NCAM2: variants seen among roughly 807,000 people sequenced by gnomAD.
NCAM2 encodes neural cell adhesion molecule 2.
Under a neutral mutation model 98.1 loss-of-function variants are expected in NCAM2, and 30 were observed. The observed-to-expected ratio is 0.31, with a 90% CI of 0.23 to 0.41. The LOEUF is 0.41. Among genes scored for constraint, NCAM2 ranks in the 10% least tolerant of loss-of-function variants. The pLI, the probability that NCAM2 is intolerant of heterozygous loss-of-function variation, is 1.00. For synonymous variants in NCAM2, 368 were observed against 342.4 expected, an observed-to-expected ratio of 1.07 and a Z score of -0.83; for missense variants, 867 against 1,005.8, an observed-to-expected ratio of 0.86 and a Z score of 1.87.
At chr21:21,480,718 G>C (rs987147622) in intron 15 of NCAM2, among the ~76,000 whole-genome samples, 3 of 152,188 alleles carry the variant, frequency 2.0e-5, no homozygotes, top group Non-Finnish European at 4.4e-5. Context: ...TTTCTCTTAT[G>C]GGTAAGAGCA....
intron 1 of NCAM2, among the ~76,000 whole-genome samples, chr21:21,243,743 C>T (rs1470124037): frequency 6.6e-6 from 1 of 152,126 alleles, no homozygotes; most frequent in African/African-American, 2.4e-5. Flanking sequence ...CATATTGCAT[C>T]CACTAGAACA....
chr21:21,402,725 T>G (rs556207008), intron 9 of NCAM2, among the ~76,000 whole-genome samples: 1 of 152,240 alleles, frequency 6.6e-6, no homozygotes, highest in Non-Finnish European at 1.5e-5. Flanking sequence ...TCACCCCTAG[T>G]GGCCCAGCTG....
At chr21:21,140,363 A>T (rs1310954576) in intron 1 of NCAM2, among the ~76,000 whole-genome samples, 3 of 152,318 alleles carry the variant, frequency 2.0e-5, no homozygotes, top group Middle Eastern at 3.4e-3. Context: ...GAAAATGCAC[A>T]TCAGGGTCTC....
intron 1 of NCAM2, among the ~76,000 whole-genome samples, chr21:21,062,843 G>A (rs2065351176): frequency 1.3e-5 from 2 of 152,100 alleles, no homozygotes; most frequent in African/African-American, 2.4e-5. Context: ...AAAACATTGT[G>A]TCATATGCAG....
chr21:21,493,856 A>G (rs1353802474), intron 15 of NCAM2, among the ~76,000 whole-genome samples: 1 of 151,960 alleles, frequency 6.6e-6, no homozygotes, highest in African/African-American at 2.4e-5. Context: ...ACATGCATTC[A>G]AGGTTTCTAC....
chr21:21,380,065 T>A (rs908843506), intron 9 of NCAM2, among the ~76,000 whole-genome samples: 2 of 152,090 alleles, frequency 1.3e-5, no homozygotes, highest in African/African-American at 4.8e-5. Context: ...GATTAGATGG[T>A]GCCCACCCAG....
At chr21:21,115,365 G>C (rs1281707344) in intron 1 of NCAM2, among the ~76,000 whole-genome samples, 1 of 152,042 alleles carries the variant, frequency 6.6e-6, no homozygotes, top group Non-Finnish European at 1.5e-5. Flanking sequence ...CCATAAAATA[G>C]AGTTTCAAAG....
At chr21:21,476,268 G>A (rs1244535040) in intron 14 of NCAM2, among the ~76,000 whole-genome samples, 56 of 152,102 alleles carry the variant, frequency 3.7e-4, no homozygotes, top group Non-Finnish European at 8.8e-5. Flanking sequence ...TTAGATACAT[G>A]ATTTCAGAGA....
intron 12 of NCAM2, among the ~76,000 whole-genome samples, chr21:21,462,308 G>A (rs575500428): frequency 6.6e-6 from 1 of 152,186 alleles, no homozygotes; most frequent in Non-Finnish European, 1.5e-5. Context: ...ACCCCATGAA[G>A]AGAGCCAGGG....
chr21:21,168,418 C>T (rs1375575148), intron 1 of NCAM2, among the ~76,000 whole-genome samples: 1 of 151,994 alleles, frequency 6.6e-6, no homozygotes, highest in Non-Finnish European at 1.5e-5. Flanking sequence ...TAGCGCTTTT[C>T]ATCATTGTAC....
intron 1 of NCAM2, among the ~76,000 whole-genome samples, chr21:21,002,834 A>G (rs1042534256): frequency 2.4e-4 from 37 of 152,260 alleles, no homozygotes; most frequent in African/African-American, 7.2e-4. Context: ...TTGTTGTCCT[A>G]AATTTTAAAT....
At chr21:21,423,687 G>A (rs1385804219) in intron 11 of NCAM2, among the ~76,000 whole-genome samples, 1 of 151,940 alleles carries the variant, frequency 6.6e-6, no homozygotes, top group Non-Finnish European at 1.5e-5. Context: ...TTTAACCTCA[G>A]TTCAGGACTC....
chr21:21,158,646 A>G (rs943447186), intron 1 of NCAM2, among the ~76,000 whole-genome samples: 21 of 152,030 alleles, frequency 1.4e-4, no homozygotes, highest in African/African-American at 4.6e-4. Flanking sequence ...GTTCTGAAAT[A>G]TTTATATCAC....
At chr21:21,486,303 C>CAAAAAAAAAAAAAA (rs67182493) in intron 15 of NCAM2, among the ~76,000 whole-genome samples, 2 of 52,264 alleles carry the variant, frequency 3.8e-5, no homozygotes, top group Admixed American at 2.7e-4. Flanking sequence ...GACTCCGTCT[C>CAAAAAAAAAAAAAA]AAAAAAAAAA....
intron 1 of NCAM2, among the ~76,000 whole-genome samples, chr21:21,080,426 G>T (rs958981592): frequency 1.3e-5 from 2 of 151,846 alleles, no homozygotes; most frequent in Non-Finnish European, 2.9e-5. Flanking sequence ...GGACCAGCCT[G>T]ACCAACATGG....
intron 1 of NCAM2, among the ~76,000 whole-genome samples, chr21:21,145,837 T>C (rs1162743109): frequency 1.3e-5 from 2 of 152,186 alleles, no homozygotes; most frequent in South Asian, 2.1e-4. Flanking sequence ...ATAGGGAAGA[T>C]AGTAACTCAG....
chr21:21,344,907 C>T (rs1445993683), intron 8 of NCAM2, among the ~76,000 whole-genome samples: 4 of 152,228 alleles, frequency 2.6e-5, no homozygotes, highest in Middle Eastern at 3.4e-3. Flanking sequence ...TCACTCTTCT[C>T]CCAGCTTTAT....
At chr21:21,361,061 C>T (rs2075632552) in intron 8 of NCAM2, among the ~76,000 whole-genome samples, 1 of 152,082 alleles carries the variant, frequency 6.6e-6, no homozygotes, top group Non-Finnish European at 1.5e-5. Context: ...CACCTGCAAA[C>T]ATACCCAGTG....
intron 1 of NCAM2, among the ~76,000 whole-genome samples, chr21:21,035,778 T>C (rs745328968): frequency 2.0e-5 from 3 of 152,142 alleles, no homozygotes; most frequent in African/African-American, 7.2e-5. Context: ...ACACACACTT[T>C]AGGATTTGCA....
Sources: allele counts gnomAD v4.1 joint callset (sites outside exome capture counted in the v4.1 genomes callset), GRCh38; gene constraint gnomAD v4.1.1; transcripts MANE v1.5; gene names NCBI Gene and HGNC (gene_info 2026-07-23, HGNC 2026-07-21).